The following C1GALT1 variants were observed in gnomAD, a reference collection of about 807,000 sequenced individuals.
C1GALT1 encodes glycoprotein-N-acetylgalactosamine 3-beta-galactosyltransferase 1.
In C1GALT1, 11 loss-of-function variants were observed where a neutral mutation model predicts 31.0. That is an observed-to-expected ratio of 0.36 (90% CI 0.22 to 0.59). C1GALT1 has a LOEUF of 0.59. C1GALT1 is among the 20% of genes least tolerant of loss of function. C1GALT1 has a pLI of 0.79. For missense variants in C1GALT1, 424 were observed against 425.2 expected (o/e 1.00, Z 0.03); for synonymous variants, 175 against 143.6 (o/e 1.22, Z -1.56).
rs1363852647 is a variant in C1GALT1 at position 7,243,711 on chromosome 7, A to G, written c.1076A>G (p.Lys359Arg). The change falls in exon 4 of 4, where the codon AAG (lysine) becomes AGG (arginine). Residue 359 changes from lysine (K) to arginine (R), a missense_variant. This residue lies in a region of C1GALT1 where 191 missense variants were observed against 188.8 expected (regional missense o/e 1.01). Coordinates refer to ENST00000436587, the MANE Select transcript of C1GALT1 (RefSeq NM_020156.5). ...AACAAAAATGAAGATACAAAAGTGA[A>G]GTTAGGAAATCCTTGAAAGAAAATC... The part of the protein sequence containing the change: ...QANKNEDTKV[K>R]LGNP 1.2e-6 allele frequency: 2 copies of G among 1,603,258 alleles called. No individual in the cohort carries two copies. Among genetic ancestry groups the G allele is most frequent in the Non-Finnish European group, 8.5e-7 (1 of 1,176,020 alleles).
rs776536050 is a variant in C1GALT1 at position 7,234,496 on chromosome 7, A to G, written c.177A>G (p.Leu59=). Residue 59 remains leucine (L), a synonymous_variant, in exon 2 of 4, where the codon CTA becomes CTG. Transcript: ENST00000436587. The part of the protein sequence containing the change: ...RHSDDNGQNH[L]EGQMNFNADS... ...CAGATGATAATGGACAGAATCATCTAGAAGGACAAATGAACTTCAATGCAG... is the reference window on the plus strand; with the variant it reads ...CAGATGATAATGGACAGAATCATCTGGAAGGACAAATGAACTTCAATGCAG... 6.2e-7 allele frequency: 1 copy of G among 1,613,702 alleles called. No homozygotes were observed. Among genetic ancestry groups the G allele is most frequent in the Non-Finnish European group, 8.5e-7 (1 of 1,179,646 alleles).
intron 2 of C1GALT1, among the ~76,000 whole-genome samples, chr7:7,162,417 C>T (rs927252952): frequency 9.2e-5 from 14 of 151,484 alleles, no homozygotes; most frequent in African/African-American, 3.4e-4. Context: ...TTTCCAATTT[C>T]ATCCATGTCC....
intron 2 of C1GALT1, among the ~76,000 whole-genome samples, chr7:7,169,132 A>G (rs1780426263): frequency 6.6e-6 from 1 of 152,196 alleles, no homozygotes; most frequent in African/African-American, 2.4e-5. Flanking sequence ...TCTCTGGCTT[A>G]TTTCACTTAG....
At position 7,232,782 on chromosome 7, in the gene C1GALT1, G is replaced by A. The variant is rs192097487; in HGVS notation, c.-17-1521G>A. ...TAGGATTACAGGCGTGAGCCACCAC[G>A]CCCAGCCGGGCATGGGCTTTTTAAG... On this transcript the variant is annotated intron_variant, in intron 1 of 3. Transcript: ENST00000436587. Among the ~76,000 whole-genome samples, 205 of 152,252 alleles carry A rather than the reference G, an allele frequency of 1.3e-3. 4 individuals carry two copies. The highest frequency in any genetic ancestry group is 0.013 in the Admixed American group (196 of 15,300).
chr7:7,228,322 G>A (rs749768313), intron 1 of C1GALT1, among the ~76,000 whole-genome samples: 2 of 151,996 alleles, frequency 1.3e-5, no homozygotes, highest in East Asian at 3.9e-4. Flanking sequence ...GAGTTCTTTT[G>A]TATCTGAAAC....
At chr7:7,168,422 G>A (rs547550444) in intron 2 of C1GALT1, among the ~76,000 whole-genome samples, 32 of 152,170 alleles carry the variant, frequency 2.1e-4, no homozygotes, top group Non-Finnish European at 4.6e-4. Flanking sequence ...AAAGGAGTGT[G>A]AATATTGATT....
chr7:7,171,743 T>C (rs1780456163), intron 2 of C1GALT1, among the ~76,000 whole-genome samples: 1 of 152,166 alleles, frequency 6.6e-6, no homozygotes, highest in African/African-American at 2.4e-5. Context: ...TCCTTTTGTA[T>C]ATATCTTTTA....
intron 1 of C1GALT1, among the ~76,000 whole-genome samples, chr7:7,194,190 G>T (rs1407483256): frequency 6.6e-6 from 1 of 152,008 alleles, no homozygotes; most frequent in African/African-American, 2.4e-5. Flanking sequence ...GATCCCTCTG[G>T]CTAGGACTTC....
At chr7:7,217,744 G>C (rs908402796) in intron 1 of C1GALT1, among the ~76,000 whole-genome samples, 3 of 152,144 alleles carry the variant, frequency 2.0e-5, no homozygotes, top group Admixed American at 6.5e-5. Flanking sequence ...TACAATCATA[G>C]TTCATTGCAG....
chr7:7,186,909 G>GT (rs1780840498), intron 1 of C1GALT1, among the ~76,000 whole-genome samples: 1 of 152,190 alleles, frequency 6.6e-6, no homozygotes, highest in South Asian at 2.1e-4. Context: ...TCCTTGTAAG[G>GT]TTTTGGCTCT....
chr7:7,179,701 G>A (rs974686883), upstream of C1GALT1, among the ~76,000 whole-genome samples: 1 of 152,076 alleles, frequency 6.6e-6, no homozygotes, highest in Non-Finnish European at 1.5e-5. Context: ...AACAAATCCA[G>A]AAGTGGATAG....
intron 1 of C1GALT1, among the ~76,000 whole-genome samples, chr7:7,228,598 C>T (rs1385793655): frequency 1.3e-5 from 2 of 151,402 alleles, no homozygotes; most frequent in East Asian, 3.9e-4. Context: ...TATTTTATCC[C>T]AGGAGCAGGA....
intron 2 of C1GALT1, among the ~76,000 whole-genome samples, chr7:7,236,809 C>G (rs1336788576): frequency 6.6e-6 from 1 of 152,162 alleles, no homozygotes; most frequent in Non-Finnish European, 1.5e-5. Context: ...CAGGCCTGAG[C>G]CACTGTGCCC....
chr7:7,196,804 C>G (rs1781307666), intron 1 of C1GALT1, among the ~76,000 whole-genome samples: 1 of 152,194 alleles, frequency 6.6e-6, no homozygotes, highest in Non-Finnish European at 1.5e-5. Context: ...TTGCATTTCT[C>G]TGATGGCCAG....
At chr7:7,198,049 C>T (rs1367243925) in intron 1 of C1GALT1, among the ~76,000 whole-genome samples, 2 of 152,178 alleles carry the variant, frequency 1.3e-5, no homozygotes, top group Non-Finnish European at 2.9e-5. Context: ...CCTGATTGCC[C>T]TGGCCAGAAC....
chr7:7,200,660 C>T (rs1299498907), intron 1 of C1GALT1, among the ~76,000 whole-genome samples: 3 of 152,220 alleles, frequency 2.0e-5, no homozygotes, highest in African/African-American at 7.2e-5. Flanking sequence ...GGTCTTTTCA[C>T]ATGGTCCCAT....
chr7:7,157,963 C>T (rs1780291448), intron 2 of C1GALT1, among the ~76,000 whole-genome samples: 1 of 152,164 alleles, frequency 6.6e-6, no homozygotes, highest in Non-Finnish European at 1.5e-5. Context: ...AGTCAGAATG[C>T]CTCCTTTAAT....
intron 1 of C1GALT1, among the ~76,000 whole-genome samples, chr7:7,233,622 C>A (rs1167936466): frequency 6.6e-6 from 1 of 152,160 alleles, no homozygotes; most frequent in African/African-American, 2.4e-5. Context: ...AGACATATTG[C>A]CTCTATTGTA....
intron 1 of C1GALT1, among the ~76,000 whole-genome samples, chr7:7,189,141 CATT>C: frequency 6.6e-6 from 1 of 152,216 alleles, no homozygotes; most frequent in Middle Eastern, 3.4e-3. Flanking sequence ...ACATGTAGAT[CATT>C]GTTTTTAACA....
Sources: allele counts gnomAD v4.1 joint callset (sites outside exome capture counted in the v4.1 genomes callset), GRCh38; gene constraint gnomAD v4.1.1; regional missense constraint gnomAD v4.1.1; transcripts MANE v1.5; gene names NCBI Gene and HGNC (gene_info 2026-07-23, HGNC 2026-07-21).